The following CNTN4 variants were observed in gnomAD, a reference collection of about 807,000 sequenced individuals.
The protein encoded by CNTN4 is contactin-4.
In CNTN4, 77 loss-of-function variants were observed where a neutral mutation model predicts 122.5. The ratio of observed to expected loss-of-function variants is 0.63; its 90% confidence interval spans 0.52 to 0.76. CNTN4 has a LOEUF of 0.76. CNTN4 is among the 30% of genes least tolerant of loss of function. The probability of loss-of-function intolerance (pLI) is 0.00; values close to 1 mark genes in which losing one functional copy is unlikely to be tolerated. For missense variants in CNTN4, 1,256 were observed against 1,259.1 expected, an observed-to-expected ratio of 1.00 and a Z score of 0.04; for synonymous variants, 512 against 447.0, an observed-to-expected ratio of 1.15 and a Z score of -1.83.
At chr3:3,018,654 T>A (rs931386631) in intron 14 of CNTN4, among the ~76,000 whole-genome samples, 1 of 152,206 alleles carries the variant, frequency 6.6e-6, no homozygotes, top group African/African-American at 2.4e-5. Flanking sequence ...CAGGATAAGA[T>A]ACAGAAATAC....
chr3:2,630,701 AGTGT>A (rs10689131), intron 4 of CNTN4, among the ~76,000 whole-genome samples: 3,987 of 137,320 alleles, frequency 0.029, 156 homozygotes, highest in African/African-American at 0.1. Context: ...TTATTAAGGG[AGTGT>A]GTGTGTGTGT....
At chr3:2,714,054 C>T (rs573185631) in intron 4 of CNTN4, among the ~76,000 whole-genome samples, 1 of 152,238 alleles carries the variant, frequency 6.6e-6, no homozygotes, top group African/African-American at 2.4e-5. Context: ...TATCCTTCTA[C>T]AGAACTAGTA....
intron 3 of CNTN4, among the ~76,000 whole-genome samples, chr3:2,381,821 A>G (rs1266838296): frequency 6.6e-6 from 1 of 152,174 alleles, no homozygotes; most frequent in Non-Finnish European, 1.5e-5. Flanking sequence ...CTCATTGAAA[A>G]TATTCAGAAA....
intron 4 of CNTN4, among the ~76,000 whole-genome samples, chr3:2,685,483 G>C (rs1576453786): frequency 6.6e-6 from 1 of 152,196 alleles, no homozygotes; most frequent in East Asian, 1.9e-4. Context: ...TACAATACAA[G>C]AGCATTTGGT....
At chr3:2,630,790 A>T (rs931230044) in intron 4 of CNTN4, among the ~76,000 whole-genome samples, 19 of 152,018 alleles carry the variant, frequency 1.2e-4, no homozygotes, top group African/African-American at 1.7e-4. Flanking sequence ...GTTCTTATTT[A>T]AAAAATGTGT....
intron 3 of CNTN4, among the ~76,000 whole-genome samples, chr3:2,533,963 T>C (rs2077699245): frequency 6.6e-6 from 1 of 151,980 alleles, no homozygotes; most frequent in Non-Finnish European, 1.5e-5. Flanking sequence ...TTTTTTTTTT[T>C]CTTGTAAATT....
chr3:2,323,509 CCTT>C (rs1417130899), intron 2 of CNTN4, among the ~76,000 whole-genome samples: 2 of 152,168 alleles, frequency 1.3e-5, no homozygotes, highest in Non-Finnish European at 2.9e-5. Context: ...AGAAGTCTCT[CCTT>C]CTTCCATTGC....
intron 4 of CNTN4, among the ~76,000 whole-genome samples, chr3:2,583,497 G>A (rs2080041002): frequency 6.6e-6 from 1 of 152,162 alleles, no homozygotes; most frequent in Non-Finnish European, 1.5e-5. Context: ...ACATGTCTAA[G>A]CTCTATATAA....
chr3:2,709,336 T>G lies in CNTN4; in HGVS notation c.56-26879T>G, dbSNP rs2086962503. 6.6e-6 allele frequency among the ~76,000 whole-genome samples: 1 copy of G among 152,178 alleles called. No homozygotes were observed. The highest frequency in any genetic ancestry group is 1.5e-5 in the Non-Finnish European group (1 of 68,028). On this transcript the variant is annotated intron_variant, in intron 4 of 24. Coordinates refer to ENST00000418658, the MANE Select transcript of CNTN4 (RefSeq NM_175607.3). The surrounding 1 kb of genome is among the most constrained non-coding windows in gnomAD (Gnocchi z 5.0). ...ACCTTGGCTGCATATTAGAATCATC[T>G]GGGGGTCCTTAAAAAATACTGATGC...
chr3:2,148,532 C>CA lies in CNTN4; in HGVS notation c.-145+47904dup, dbSNP rs565512228. 7.3e-3 allele frequency among the ~76,000 whole-genome samples: 983 copies of CA among 134,614 alleles called. 5 individuals carry two copies. The highest frequency in any genetic ancestry group is 0.016 in the Middle Eastern group (4 of 256). 88.3% of individuals were successfully genotyped at this position (134,614 alleles called of 152,430 possible). On this transcript the variant is annotated intron_variant, in intron 2 of 24. Coordinates refer to ENST00000418658, the MANE Select transcript of CNTN4 (RefSeq NM_175607.3). ...TGGGTGACAGAGCGAGCCCCTGTCTCAAAAAAAAAAAGAAAAGAAAAGAAA... is the reference window on the plus strand; with the variant it reads ...TGGGTGACAGAGCGAGCCCCTGTCTCAAAAAAAAAAAAGAAAAGAAAAGAAA...
chr3:2,576,551 CTT>C (rs11313015), intron 4 of CNTN4, among the ~76,000 whole-genome samples: 14,243 of 131,220 alleles, frequency 0.11, 752 homozygotes, highest in Non-Finnish European at 0.15. Context: ...CTGTTTTTTT[CTT>C]TTTTTTTTTT....
At chr3:2,787,830 C>T (rs1478363494) in intron 6 of CNTN4, among the ~76,000 whole-genome samples, 1 of 148,376 alleles carries the variant, frequency 6.7e-6, no homozygotes, top group East Asian at 2.0e-4. Context: ...TGCTCTGTTG[C>T]CCAGGCTAGA....
intron 13 of CNTN4, among the ~76,000 whole-genome samples, chr3:2,938,180 T>C (rs1358995726): frequency 6.6e-6 from 1 of 152,140 alleles, no homozygotes; most frequent in Non-Finnish European, 1.5e-5. Flanking sequence ...TTGAATACAT[T>C]TGAGGCTTTG....
chr3:2,344,656 C>G (rs1685492), intron 3 of CNTN4, among the ~76,000 whole-genome samples: 74,989 of 151,882 alleles, frequency 0.49, 18,718 homozygotes, highest in Admixed American at 0.52. Context: ...GAATGAATTT[C>G]TATTCTAAAT....
At chr3:2,962,947 C>A (rs1023019565) in intron 13 of CNTN4, among the ~76,000 whole-genome samples, 1 of 152,020 alleles carries the variant, frequency 6.6e-6, no homozygotes, top group Non-Finnish European at 1.5e-5. Context: ...TTTCAATGAC[C>A]CTCTCAAATG....
intron 3 of CNTN4, among the ~76,000 whole-genome samples, chr3:2,417,144 T>C (rs1444653391): frequency 6.6e-6 from 1 of 152,216 alleles, no homozygotes; most frequent in Non-Finnish European, 1.5e-5. Context: ...GCACATCTGC[T>C]TTTCATTTAG....
chr3:2,389,003 C>T (rs902772348), intron 3 of CNTN4, among the ~76,000 whole-genome samples: 1 of 150,198 alleles, frequency 6.7e-6, no homozygotes, highest in African/African-American at 2.5e-5. Context: ...GCTAAAAATA[C>T]AAAAAAAATT....
Position 2,287,661 on chromosome 3 carries a change from GA to G in CNTN4, c.-144-51515del, listed in dbSNP as rs1322766191. Among the ~76,000 whole-genome samples, 123 of 36,440 alleles carry G rather than the reference GA, an allele frequency of 3.4e-3. 2 individuals carry two copies. Among genetic ancestry groups the G allele is most frequent in the Non-Finnish European group, 4.5e-3 (67 of 15,032 alleles). 23.9% of individuals were successfully genotyped at this position (36,440 alleles called of 152,430 possible). On this transcript the variant is annotated intron_variant, in intron 2 of 24. Transcript: ENST00000418658. ...AGAAGAAGAAGAAGAAGAAGAAGAA[GA>G]AGAAGAAGAAGAAGAAGAAGAAGAA...
chr3:2,878,553 C>CTGTGTG (rs60925207), intron 8 of CNTN4, among the ~76,000 whole-genome samples: 539 of 146,944 alleles, frequency 3.7e-3, no homozygotes, highest in Non-Finnish European at 4.9e-3. Context: ...GAGATGCTCT[C>CTGTGTG]TGTGTGTGTG....
Sources: allele counts gnomAD v4.1 joint callset (sites outside exome capture counted in the v4.1 genomes callset), GRCh38; gene constraint gnomAD v4.1.1; non-coding constraint Gnocchi (gnomAD v3.1); transcripts MANE v1.5; gene names NCBI Gene and HGNC (gene_info 2026-07-23, HGNC 2026-07-21).